RARB: variants seen among roughly 807,000 people sequenced by gnomAD.
RARB encodes the protein retinoic acid receptor beta.
Under a neutral mutation model 51.9 loss-of-function variants are expected in RARB, and 17 were observed. The observed-to-expected ratio is 0.33, with a 90% CI of 0.22 to 0.49. The LOEUF (loss-of-function observed/expected upper bound fraction) is 0.49, where lower values mean the gene tolerates loss of function less well. Ranked by LOEUF, RARB falls within the 20% of genes least tolerant of loss-of-function variation. The pLI, the probability that RARB is intolerant of heterozygous loss-of-function variation, is 0.99. For missense variants in RARB, 369 were observed against 550.8 expected (o/e 0.67, Z 3.30); for synonymous variants, 215 against 195.4 (o/e 1.10, Z -0.84).
intron 2 of RARB, among the ~76,000 whole-genome samples, chr3:25,046,599 A>G (rs1389898141): frequency 6.6e-6 from 1 of 151,958 alleles, no homozygotes; most frequent in Non-Finnish European, 1.5e-5. Flanking sequence ...GATTGCAGGC[A>G]CACACCACCA....
chr3:25,494,762 G>T (rs549071264), intron 2 of RARB, among the ~76,000 whole-genome samples: 3 of 152,178 alleles, frequency 2.0e-5, no homozygotes, highest in Non-Finnish European at 2.9e-5. Context: ...ATCCCCAAGA[G>T]CCTATATTGT....
chr3:25,422,024 T>G (rs1707877468), intron 5 of RARB, among the ~76,000 whole-genome samples: 1 of 152,208 alleles, frequency 6.6e-6, no homozygotes, highest in South Asian at 2.1e-4. Flanking sequence ...AAGCCACCAG[T>G]CATATGAGGC....
chr3:25,002,562 T>G (rs1697184952), intron 2 of RARB, among the ~76,000 whole-genome samples: 1 of 152,172 alleles, frequency 6.6e-6, no homozygotes, highest in East Asian at 1.9e-4. Context: ...GACTATAAAG[T>G]TTATAGAAAA....
chr3:25,585,194 A>C (rs904385936), intron 5 of RARB, among the ~76,000 whole-genome samples: 5 of 152,200 alleles, frequency 3.3e-5, no homozygotes, highest in African/African-American at 1.2e-4. Context: ...CATGAAATGA[A>C]GTAGCACGTA....
intron 5 of RARB, among the ~76,000 whole-genome samples, chr3:25,417,153 A>G (rs888241790): frequency 2.0e-5 from 3 of 151,874 alleles, no homozygotes; most frequent in Non-Finnish European, 2.9e-5. Context: ...AAAAGTTTCT[A>G]TAAAGTTTTG....
At chr3:24,871,327 G>A (rs1173717608) in intron 2 of RARB, among the ~76,000 whole-genome samples, 1 of 152,046 alleles carries the variant, frequency 6.6e-6, no homozygotes, top group Non-Finnish European at 1.5e-5. Context: ...ATCTCTTGAT[G>A]GTCAATCAAA....
intron 5 of RARB, among the ~76,000 whole-genome samples, chr3:25,300,707 T>C (rs2125427353): frequency 6.6e-6 from 1 of 152,100 alleles, no homozygotes; most frequent in East Asian, 1.9e-4. Context: ...TACAAACCAC[T>C]GGTCAGGAGT....
chr3:25,461,567 A>C (rs1196054760), intron 2 of RARB, among the ~76,000 whole-genome samples: 1 of 152,188 alleles, frequency 6.6e-6, no homozygotes, highest in African/African-American at 2.4e-5. Flanking sequence ...AAGGCCCTTA[A>C]ATTACCCCCA....
intron 5 of RARB, among the ~76,000 whole-genome samples, chr3:25,182,882 A>G (rs1342886833): frequency 6.6e-6 from 1 of 152,132 alleles, no homozygotes; most frequent in Non-Finnish European, 1.5e-5. Flanking sequence ...AAAGGGGGAA[A>G]TTTAAACACA....
rs563367903 is a variant in RARB at position 25,500,080 on chromosome 3, C to T, written c.307-1102C>T. On this transcript the variant is annotated intron_variant, in intron 2 of 7. Transcript: ENST00000330688. ...GCTGTAGTACATTACTACCCGGTAACGCTTTCTGCAATGATGAAAATATTT... is the reference window on the plus strand; with the variant it reads ...GCTGTAGTACATTACTACCCGGTAATGCTTTCTGCAATGATGAAAATATTT... Among the ~76,000 whole-genome samples, 8 of 152,262 alleles carry T rather than the reference C, an allele frequency of 5.3e-5. No homozygotes were observed. The East Asian group carries it at 5.8e-4, about 11-fold the overall frequency.
intron 5 of RARB, among the ~76,000 whole-genome samples, chr3:25,334,665 A>T (rs1484767717): frequency 1.3e-5 from 2 of 152,156 alleles, no homozygotes; most frequent in African/African-American, 4.8e-5. Context: ...GTACCCTAGA[A>T]CTTAAAGTGT....
chr3:25,457,337 G>A (rs569420651), intron 1 of RARB, among the ~76,000 whole-genome samples: 1 of 152,264 alleles, frequency 6.6e-6, no homozygotes, highest in African/African-American at 2.4e-5. Context: ...GGCATGTTAT[G>A]TCACTCAGCC....
intron 2 of RARB, among the ~76,000 whole-genome samples, chr3:24,984,262 G>A (rs1159252651): frequency 2.6e-5 from 4 of 152,098 alleles, no homozygotes; most frequent in Admixed American, 6.6e-5. Context: ...TAAAGCAATA[G>A]CAACATGGAA....
chr3:25,358,916 T>G (rs900777378), intron 5 of RARB, among the ~76,000 whole-genome samples: 3 of 152,134 alleles, frequency 2.0e-5, no homozygotes, highest in African/African-American at 7.2e-5. Context: ...TTGATGTTCA[T>G]CAGGGATATT....
At chr3:25,412,040 A>G (rs1331996612) in intron 5 of RARB, among the ~76,000 whole-genome samples, 1 of 152,190 alleles carries the variant, frequency 6.6e-6, no homozygotes, top group Non-Finnish European at 1.5e-5. Context: ...TGTAGATAGC[A>G]TGAGGGGCAG....
In RARB at chr3:25,428,891, A is replaced by T. The variant is rs1477042037; in HGVS notation, c.157+3A>T. ...GCAGCATCGGCACACTGCTCAATGT[A>T]GGTTTATTTTTTTCCCTTCTTCTAC... On this transcript the variant is annotated splice_donor_region_variant and intron_variant, in intron 1 of 7. Coordinates refer to ENST00000330688, the MANE Select transcript of RARB (RefSeq NM_000965.5). The T allele has an allele frequency of 6.3e-7, 1 of 1,589,402 alleles. No homozygotes were observed. The highest frequency in any genetic ancestry group is 1.3e-5 in the African/African-American group (1 of 74,184).
At chr3:25,331,316 A>G (rs1415259173) in intron 5 of RARB, among the ~76,000 whole-genome samples, 1 of 152,232 alleles carries the variant, frequency 6.6e-6, no homozygotes, top group Non-Finnish European at 1.5e-5. Flanking sequence ...AGAAATTATA[A>G]CAGACTGTCT....
intron 2 of RARB, among the ~76,000 whole-genome samples, chr3:25,006,588 C>G (rs1214507001): frequency 6.6e-6 from 1 of 152,086 alleles, no homozygotes; most frequent in Non-Finnish European, 1.5e-5. Context: ...AATCTGATAC[C>G]TTGTTTCTAT....
chr3:25,360,343 C>A (rs908652028), intron 5 of RARB, among the ~76,000 whole-genome samples: 1 of 152,148 alleles, frequency 6.6e-6, no homozygotes, highest in African/African-American at 2.4e-5. Context: ...CTTCTTCCAT[C>A]CCTTTATTTT....
Sources: gnomAD v4.1 joint callset for allele counts (sites outside exome capture counted in the v4.1 genomes callset) on GRCh38, gnomAD v4.1.1 for gene constraint, MANE v1.5 for transcripts, NCBI Gene and HGNC (gene_info 2026-07-23, HGNC 2026-07-21) for gene names.